CDK14: variants seen among roughly 807,000 people sequenced by gnomAD.
CDK14 encodes the protein cyclin-dependent kinase 14.
CDK14 carries 34 observed loss-of-function variants against 60.7 expected under a neutral mutation model. The observed-to-expected ratio is 0.56, with a 90% CI of 0.43 to 0.75. The LOEUF is 0.75. Among genes scored for constraint, CDK14 ranks in the 30% least tolerant of loss-of-function variants. CDK14 has a pLI of 0.00. For synonymous variants in CDK14, 197 were observed against 203.7 expected (o/e 0.97, Z 0.28); for missense variants, 482 against 564.1 (o/e 0.85, Z 1.47).
At chr7:90,711,108 T>C (rs1417384444) in intron 2 of CDK14, among the ~76,000 whole-genome samples, 3 of 152,108 alleles carry the variant, frequency 2.0e-5, no homozygotes, top group African/African-American at 7.2e-5. Context: ...GCATGTTGGC[T>C]ATTATACAGA....
At chr7:90,753,940 G>A (rs1803951546) in intron 4 of CDK14, among the ~76,000 whole-genome samples, 1 of 152,142 alleles carries the variant, frequency 6.6e-6, no homozygotes, top group Admixed American at 6.5e-5. Context: ...AAAGATCTCT[G>A]CAAGGAGTAC....
intron 14 of CDK14, among the ~76,000 whole-genome samples, chr7:91,163,423 G>A (rs926307407): frequency 1.3e-5 from 2 of 152,166 alleles, no homozygotes; most frequent in Admixed American, 1.3e-4. Flanking sequence ...AAATTGAGGA[G>A]TTTGGACTCA....
chr7:90,949,493 C>A (rs551571462), intron 8 of CDK14, among the ~76,000 whole-genome samples: 45 of 152,140 alleles, frequency 3.0e-4, no homozygotes, highest in East Asian at 2.5e-3. Context: ...TGAGCCACTG[C>A]GCCCGGCCAA....
intron 6 of CDK14, among the ~76,000 whole-genome samples, chr7:90,876,767 A>G (rs1227730543): frequency 6.6e-6 from 1 of 152,236 alleles, no homozygotes; most frequent in African/African-American, 2.4e-5. Context: ...AAGTTTAAAT[A>G]TGAACAAATG....
intron 5 of CDK14, among the ~76,000 whole-genome samples, chr7:90,855,839 C>A (rs903164811): frequency 1.3e-5 from 2 of 152,088 alleles, no homozygotes; most frequent in Non-Finnish European, 2.9e-5. Context: ...GCATGTGAGT[C>A]CACAATGTGG....
chr7:90,906,352 G>A (rs1792700899), intron 7 of CDK14, among the ~76,000 whole-genome samples: 1 of 152,032 alleles, frequency 6.6e-6, no homozygotes, highest in African/African-American at 2.4e-5. Context: ...GGAAAACCAG[G>A]TGAGATAAGC....
At chr7:91,067,992 G>T (rs1054495023) in intron 11 of CDK14, among the ~76,000 whole-genome samples, 1 of 152,116 alleles carries the variant, frequency 6.6e-6, no homozygotes, top group African/African-American at 2.4e-5. Context: ...TTTTATGAGG[G>T]CATTTGACTT....
chr7:90,805,435 A>AAC (rs10543007), intron 5 of CDK14, among the ~76,000 whole-genome samples: 192 of 151,044 alleles, frequency 1.3e-3, no homozygotes, highest in African/African-American at 3.8e-3. Flanking sequence ...GAATTTTCTC[A>AAC]ACACACACAC....
At chr7:90,612,704 G>A (rs1366589834) in intron 2 of CDK14, among the ~76,000 whole-genome samples, 2 of 151,126 alleles carry the variant, frequency 1.3e-5, no homozygotes, top group African/African-American at 4.9e-5. Context: ...CCCGGGAGGC[G>A]GAGGTTGCAG....
At chr7:90,795,040 A>C (rs1352687470) in intron 5 of CDK14, among the ~76,000 whole-genome samples, 2 of 152,108 alleles carry the variant, frequency 1.3e-5, no homozygotes, top group Non-Finnish European at 2.9e-5. Flanking sequence ...CTTTTTTTTA[A>C]TGTCTTACTG....
intron 14 of CDK14, among the ~76,000 whole-genome samples, chr7:91,125,720 C>T (rs556847530): frequency 6.6e-6 from 1 of 152,158 alleles, no homozygotes; most frequent in Admixed American, 6.5e-5. Flanking sequence ...GGAAATTTAT[C>T]TCATTATAAA....
intron 5 of CDK14, among the ~76,000 whole-genome samples, chr7:90,805,097 T>A (rs1048904091): frequency 3.3e-5 from 5 of 152,090 alleles, no homozygotes; most frequent in Non-Finnish European, 7.4e-5. Flanking sequence ...ATTTTTAAAT[T>A]GAGGTGTTTG....
chr7:90,927,762 C>A (rs1562831606), intron 8 of CDK14, among the ~76,000 whole-genome samples: 3 of 152,104 alleles, frequency 2.0e-5, no homozygotes, highest in African/African-American at 7.2e-5. Context: ...GTTGGCCTGC[C>A]TTGCTAGGTT....
At chr7:90,913,181 T>TA (rs1012121059) in intron 7 of CDK14, among the ~76,000 whole-genome samples, 4 of 152,198 alleles carry the variant, frequency 2.6e-5, no homozygotes, top group African/African-American at 9.7e-5. Context: ...AGTGATTTTC[T>TA]AAAAAATTTA....
rs1584228533 is a variant in CDK14 at position 91,010,834 on chromosome 7, TCCC to T, written c.1041+26594_1041+26596del. 8.9e-3 allele frequency among the ~76,000 whole-genome samples: 561 copies of T among 62,988 alleles called. 4 individuals are homozygous for T. The highest frequency in any genetic ancestry group is 0.023 in the Middle Eastern group (3 of 130). 41.3% of individuals were successfully genotyped at this position (62,988 alleles called of 152,430 possible). A position where few individuals can be genotyped will look rare whatever the true frequency, so the allele number is the denominator to read the frequency against. On this transcript the variant is annotated intron_variant, in intron 10 of 14. Coordinates refer to ENST00000380050, the MANE Select transcript of CDK14 (RefSeq NM_001287135.2). ...CTTCCTTCCTTCCTTCCTTCCTTCC[TCCC>T]TCCCTCCCTCCCTCCCTCCCTCCCT...
intron 12 of CDK14, among the ~76,000 whole-genome samples, chr7:91,098,819 A>C (rs1799082045): frequency 1.3e-5 from 2 of 152,168 alleles, no homozygotes; most frequent in Non-Finnish European, 2.9e-5. Flanking sequence ...TTCCTGTAGG[A>C]GTCAGACTGT....
intron 1 of CDK14, among the ~76,000 whole-genome samples, chr7:90,598,373 G>GA (rs1176498150): frequency 6.6e-6 from 1 of 152,176 alleles, no homozygotes; most frequent in African/African-American, 2.4e-5. Flanking sequence ...AGCTTACTGA[G>GA]ATTTAGTGAT....
intron 2 of CDK14, among the ~76,000 whole-genome samples, chr7:90,669,540 C>T (rs1028188391): frequency 1.3e-5 from 2 of 150,608 alleles, no homozygotes; most frequent in African/African-American, 4.9e-5. Context: ...AATATTGCTG[C>T]CTTACCACCA....
chr7:90,966,502 T>A (rs1794754892), intron 9 of CDK14, among the ~76,000 whole-genome samples: 1 of 152,190 alleles, frequency 6.6e-6, no homozygotes, highest in Non-Finnish European at 1.5e-5. Flanking sequence ...GCAGCTGACA[T>A]CCTCAAAGCA....
Sources: allele counts gnomAD v4.1 joint callset (sites outside exome capture counted in the v4.1 genomes callset), GRCh38; gene constraint gnomAD v4.1.1; transcripts MANE v1.5; gene names NCBI Gene and HGNC (gene_info 2026-07-23, HGNC 2026-07-21).